TMEM132D: variants seen among roughly 807,000 people sequenced by gnomAD.
TMEM132D encodes the protein transmembrane protein 132D, also known as mature OL transmembrane protein.
Under a neutral mutation model 62.3 loss-of-function variants are expected in TMEM132D, and 21 were observed. The ratio of observed to expected loss-of-function variants is 0.34; its 90% CI spans 0.24 to 0.49. The LOEUF (loss-of-function observed/expected upper bound fraction) is 0.49, where lower values mean the gene tolerates loss of function less well. Among genes scored for constraint, TMEM132D ranks in the 20% least tolerant of loss-of-function variants. The pLI is 0.99. For synonymous variants in TMEM132D, 621 were observed against 575.6 expected (o/e 1.08, Z -1.13); for missense variants, 1,346 against 1,402.8 (o/e 0.96, Z 0.65).
Position 129,568,329 on chromosome 12 carries a change from G to C in TMEM132D, c.969-37124C>G, listed in dbSNP as rs879243061. Among the ~76,000 whole-genome samples the C allele has an allele frequency of 2.0e-5, 3 of 152,216 alleles. 1 individual carries two copies. Among genetic ancestry groups the C allele is most frequent in the Admixed American group, 2.0e-4 (3 of 15,284 alleles). The stretch of plus-strand genomic sequence containing the variant: ...TACACGACAACCTGGAGGAGATCCT[G>C]TCACCCCCTGGTCCATAATCCAACG... On this transcript the variant is annotated intron_variant, in intron 2 of 8. Transcript: ENST00000422113.
At chr12:129,091,402 G>C (rs2135628015) in intron 5 of TMEM132D, among the ~76,000 whole-genome samples, 1 of 150,018 alleles carries the variant, frequency 6.7e-6, no homozygotes, top group East Asian at 2.0e-4. Context: ...CCTTATATAA[G>C]CTCACATGGG....
intron 2 of TMEM132D, among the ~76,000 whole-genome samples, chr12:129,602,912 C>A (rs1878519366): frequency 6.6e-6 from 1 of 152,160 alleles, no homozygotes; most frequent in African/African-American, 2.4e-5. Context: ...TGGAGAGGTG[C>A]TGAGCAAAAG....
intron 5 of TMEM132D, among the ~76,000 whole-genome samples, chr12:129,181,844 C>A (rs1878075293): frequency 6.6e-6 from 1 of 152,186 alleles, no homozygotes; most frequent in Non-Finnish European, 1.5e-5. Context: ...CTTTATTTGT[C>A]CATTTTCTTT....
chr12:129,418,829 A>C (rs545200694), intron 3 of TMEM132D, among the ~76,000 whole-genome samples: 20 of 152,314 alleles, frequency 1.3e-4, no homozygotes, highest in South Asian at 6.2e-4. Context: ...CCAAATCAAC[A>C]GTCAGTGTTC....
rs188725809 is a variant in TMEM132D at position 129,342,269 on chromosome 12, C to T, written c.1116-4452G>A. On this transcript the variant is annotated intron_variant, in intron 3 of 8. Transcript: ENST00000422113. ...CAGAACAGAGCCCTCAGAAATAATGCCGCATATCTACAACTATCTGATCTT... is the reference window on the plus strand; with the variant it reads ...CAGAACAGAGCCCTCAGAAATAATGTCGCATATCTACAACTATCTGATCTT... Among the ~76,000 whole-genome samples the T allele has an allele frequency of 1.5e-4, 23 of 152,232 alleles. No individual in the cohort carries two copies. In the East Asian group the frequency reaches 3.3e-3, roughly 22 times the overall value.
chr12:129,654,518 C>T (rs1880021067), intron 2 of TMEM132D, among the ~76,000 whole-genome samples: 1 of 152,054 alleles, frequency 6.6e-6, no homozygotes, highest in Non-Finnish European at 1.5e-5. Flanking sequence ...AATTTTATGC[C>T]TTTGGTGACT....
intron 5 of TMEM132D, among the ~76,000 whole-genome samples, chr12:129,199,321 C>T (rs1400698608): frequency 6.6e-6 from 1 of 152,050 alleles, no homozygotes; most frequent in African/African-American, 2.4e-5. Context: ...AGGCTGGTCT[C>T]GAACTCCTGA....
At chr12:129,341,530 G>A (rs1406481054) in intron 3 of TMEM132D, among the ~76,000 whole-genome samples, 1 of 152,210 alleles carries the variant, frequency 6.6e-6, no homozygotes, top group Admixed American at 6.5e-5. Flanking sequence ...GCTGGAAAAT[G>A]AGGCTGGCCC....
intron 4 of TMEM132D, among the ~76,000 whole-genome samples, chr12:129,331,488 G>A (rs918976246): frequency 2.0e-5 from 3 of 152,112 alleles, no homozygotes; most frequent in African/African-American, 7.2e-5. Flanking sequence ...CTAAAACTTA[G>A]TGGTCATAGC....
intron 2 of TMEM132D, among the ~76,000 whole-genome samples, chr12:129,613,337 A>C (rs1034745322): frequency 3.3e-5 from 5 of 152,136 alleles, no homozygotes; most frequent in Non-Finnish European, 7.4e-5. Context: ...GTCTCATGTA[A>C]GTTGATGGAG....
chr12:129,077,858 AAG>A (rs1273187446), intron 8 of TMEM132D, among the ~76,000 whole-genome samples: 1 of 150,360 alleles, frequency 6.7e-6, no homozygotes, highest in Non-Finnish European at 1.5e-5. Context: ...ATACTGACAC[AAG>A]ACACACACAT....
chr12:129,229,254 A>G (rs150798966), intron 4 of TMEM132D, among the ~76,000 whole-genome samples: 1 of 152,382 alleles, frequency 6.6e-6, no homozygotes, highest in African/African-American at 2.4e-5. Context: ...CTGGTGATTT[A>G]TCAGTCTCCT....
intron 5 of TMEM132D, among the ~76,000 whole-genome samples, chr12:129,207,787 A>C (rs889639949): frequency 6.6e-6 from 1 of 152,186 alleles, no homozygotes; most frequent in Non-Finnish European, 1.5e-5. Flanking sequence ...GTATTGATCC[A>C]TAATTAATGT....
intron 4 of TMEM132D, among the ~76,000 whole-genome samples, chr12:129,286,611 G>T (rs1417751906): frequency 6.6e-6 from 1 of 152,164 alleles, no homozygotes; most frequent in Non-Finnish European, 1.5e-5. Context: ...TCTCTCATTC[G>T]TAGGTTGGGA....
chr12:129,897,613 C>CT (rs1875188418), intron 1 of TMEM132D, among the ~76,000 whole-genome samples: 1 of 152,152 alleles, frequency 6.6e-6, no homozygotes, highest in Non-Finnish European at 1.5e-5. Context: ...ATAACCAAAC[C>CT]ATTCCACACC....
intron 8 of TMEM132D, among the ~76,000 whole-genome samples, chr12:129,075,318 CTTT>C (rs541888959): frequency 3.5e-5 from 5 of 143,566 alleles, no homozygotes; most frequent in South Asian, 2.2e-4. Context: ...AGAAGATTTG[CTTT>C]TTTTTTTTTT....
chr12:129,414,597 A>C (rs1872061350), intron 3 of TMEM132D, among the ~76,000 whole-genome samples: 1 of 152,252 alleles, frequency 6.6e-6, no homozygotes, highest in East Asian at 1.9e-4. Flanking sequence ...TGATGACCAC[A>C]ATCAGGATAA....
At chr12:129,601,692 G>GCTGT (rs755493625) in intron 2 of TMEM132D, among the ~76,000 whole-genome samples, 5 of 151,072 alleles carry the variant, frequency 3.3e-5, no homozygotes, top group Non-Finnish European at 7.4e-5. Flanking sequence ...TAGAAGAATA[G>GCTGT]CTGTCTGTGG....
intron 2 of TMEM132D, among the ~76,000 whole-genome samples, chr12:129,686,228 C>G (rs962993358): frequency 6.6e-6 from 1 of 152,116 alleles, no homozygotes; most frequent in East Asian, 1.9e-4. Context: ...CCACCCAAAT[C>G]TGATCTTGAA....
Sources: gnomAD v4.1 joint callset for allele counts (sites outside exome capture counted in the v4.1 genomes callset) on GRCh38, gnomAD v4.1.1 for gene constraint, MANE v1.5 for transcripts, NCBI Gene and HGNC (gene_info 2026-07-23, HGNC 2026-07-21) for gene names.